MAPK10: variants seen among roughly 807,000 people sequenced by gnomAD.
The protein encoded by MAPK10 is JNK3 alpha protein kinase.
A neutral mutation model predicts 59.3 loss-of-function variants in MAPK10; 25 were observed. The observed-to-expected ratio is 0.42, with a 90% CI of 0.31 to 0.59. The LOEUF (loss-of-function observed/expected upper bound fraction) is 0.59, where lower values mean the gene tolerates loss of function less well. Among genes scored for constraint, MAPK10 ranks in the 20% least tolerant of loss-of-function variants. The pLI is 0.15. For missense variants in MAPK10, 351 were observed against 568.9 expected (o/e 0.62, Z 3.90); for synonymous variants, 190 against 200.5 (o/e 0.95, Z 0.44).
intron 1 of MAPK10, among the ~76,000 whole-genome samples, chr4:86,373,775 G>A (rs548613238): frequency 6.6e-6 from 1 of 152,172 alleles, no homozygotes; most frequent in African/African-American, 2.4e-5. Context: ...GAGATGATGT[G>A]GAGAAATAGG....
chr4:86,292,679 C>G (rs796907943), intron 2 of MAPK10, among the ~76,000 whole-genome samples: 1 of 152,182 alleles, frequency 6.6e-6, no homozygotes, highest in African/African-American at 2.4e-5. Flanking sequence ...GATCGCACCA[C>G]TGCCCTCCAG....
intron 1 of MAPK10, among the ~76,000 whole-genome samples, chr4:86,511,559 C>T (rs1756242869): frequency 6.6e-6 from 1 of 150,858 alleles, no homozygotes; most frequent in East Asian, 2.0e-4. Flanking sequence ...AGAACCAGAT[C>T]TTGTCTTCAA....
At chr4:86,519,620 A>T in intron 1 of MAPK10, among the ~76,000 whole-genome samples, 1 of 152,130 alleles carries the variant, frequency 6.6e-6, no homozygotes. Context: ...CATCGTTAGT[A>T]TTGAAATGTG....
chr4:86,327,352 A>G (rs537414153), intron 2 of MAPK10: 1 of 152,094 alleles, frequency 6.6e-6, no homozygotes, highest in East Asian at 1.9e-4. Flanking sequence ...AAACAGGGAT[A>G]CCTTTAATTT....
At chr4:86,330,537 G>C (rs1289835554) in intron 2 of MAPK10, among the ~76,000 whole-genome samples, 3 of 152,198 alleles carry the variant, frequency 2.0e-5, no homozygotes, top group Non-Finnish European at 4.4e-5. Flanking sequence ...CCATGCTGCT[G>C]TTCTCATGAT....
At chr4:86,183,070 T>C (rs1193248388) in intron 3 of MAPK10, among the ~76,000 whole-genome samples, 1 of 152,184 alleles carries the variant, frequency 6.6e-6, no homozygotes, top group Admixed American at 6.6e-5. Context: ...AATTGATAAT[T>C]GTTTTTGAGT....
chr4:86,536,391 T>C (rs1037711260), intron 1 of MAPK10, among the ~76,000 whole-genome samples: 2 of 152,322 alleles, frequency 1.3e-5, no homozygotes, highest in Admixed American at 1.3e-4. Flanking sequence ...AGAACAATCC[T>C]CCACATGCAA....
chr4:86,034,287 G>C (rs2039717249), intron 11 of MAPK10, among the ~76,000 whole-genome samples: 1 of 152,102 alleles, frequency 6.6e-6, no homozygotes, highest in East Asian at 1.9e-4. Context: ...GAACTTCCTT[G>C]GTTGAAATTA....
chr4:86,414,523 GACAC>G (rs1745615799), intron 1 of MAPK10, among the ~76,000 whole-genome samples: 2 of 152,166 alleles, frequency 1.3e-5, no homozygotes, highest in Admixed American at 6.5e-5. Flanking sequence ...AGAAGAAGTA[GACAC>G]ACAGAGTAGT....
At chr4:86,471,401 TC>T (rs565953596) in intron 1 of MAPK10, among the ~76,000 whole-genome samples, 409 of 152,248 alleles carry the variant, frequency 2.7e-3, no homozygotes, top group Admixed American at 5.1e-3. Context: ...ACTGATGTAT[TC>T]TTACAAAATA....
At chr4:86,327,785 C>CAAAAAAAAAAAAAAAAAAAAAAAAA (rs5860023) in intron 2 of MAPK10, 1 of 68,930 alleles carries the variant, frequency 1.5e-5, no homozygotes, top group African/African-American at 5.9e-5. Context: ...ACTAAAAATA[C>CAAAAAAAAAAAAAAAAAAAAAAAAA]AAAAAAAAAA....
chr4:86,134,908 C>A (rs1030340833), intron 4 of MAPK10, among the ~76,000 whole-genome samples: 1 of 152,292 alleles, frequency 6.6e-6, no homozygotes, highest in Non-Finnish European at 1.5e-5. Flanking sequence ...CTTTCCTAGT[C>A]AAAGAAAGGG....
chr4:86,053,413 T>C (rs546070789), intron 11 of MAPK10, among the ~76,000 whole-genome samples: 2 of 152,152 alleles, frequency 1.3e-5, no homozygotes, highest in Non-Finnish European at 2.9e-5. Flanking sequence ...TTTAGCAACA[T>C]TACAGGTAAG....
At chr4:86,250,980 A>C (rs2093383357) in intron 2 of MAPK10, among the ~76,000 whole-genome samples, 8 of 152,044 alleles carry the variant, frequency 5.3e-5, no homozygotes, top group Admixed American at 5.2e-4. Flanking sequence ...CTAGCCAATA[A>C]TTTTCTCACT....
rs151258951 is a variant in MAPK10, at chr4:86,444,671, T to C, written c.-122+8359A>G. 6.1e-3 allele frequency among the ~76,000 whole-genome samples: 919 copies of C among 151,646 alleles called. 7 individuals carry two copies. Among genetic ancestry groups the C allele is most frequent in the African/African-American group, 0.02 (821 of 41,398 alleles). On this transcript the variant is annotated intron_variant, in intron 1 of 13. Coordinates refer to the MAPK10 transcript ENST00000361569. ...GATAAATATTTTGCAATCTATCCAT[T>C]TCTCAAAGGTCTATCCAGAATCTAC...
intron 9 of MAPK10, among the ~76,000 whole-genome samples, chr4:86,078,591 G>GTATATA (rs112023213): frequency 9.5e-5 from 14 of 147,774 alleles, no homozygotes; most frequent in African/African-American, 3.3e-4. Flanking sequence ...AAATACATAT[G>GTATATA]TATATATATA....
intron 4 of MAPK10, among the ~76,000 whole-genome samples, chr4:86,136,008 A>G (rs2061992080): frequency 6.6e-6 from 1 of 152,198 alleles, no homozygotes; most frequent in Non-Finnish European, 1.5e-5. Flanking sequence ...AGAAATGAAC[A>G]AAGCTTCCAA....
chr4:86,249,671 A>G (rs1165201629), intron 2 of MAPK10, among the ~76,000 whole-genome samples: 1 of 152,168 alleles, frequency 6.6e-6, no homozygotes, highest in African/African-American at 2.4e-5. Context: ...TACATGGGAT[A>G]TAGTTTTTTG....
chr4:86,237,422 A>C (rs1455489607), intron 2 of MAPK10, among the ~76,000 whole-genome samples: 1 of 152,186 alleles, frequency 6.6e-6, no homozygotes, highest in East Asian at 1.9e-4. Flanking sequence ...ATCCTTGAAG[A>C]ATCTCCGTAC....
Sources: gnomAD v4.1 joint callset for allele counts (sites outside exome capture counted in the v4.1 genomes callset) on GRCh38, gnomAD v4.1.1 for gene constraint, MANE v1.5 for transcripts, NCBI Gene and HGNC (gene_info 2026-07-23, HGNC 2026-07-21) for gene names.